The following BRD10 variants were observed in gnomAD, a reference collection of about 807,000 sequenced individuals.
BRD10 encodes bromodomain containing 10.
At chr9:5,932,505 C>A in the BRD10 span, among the ~76,000 whole-genome samples, 1 of 151,932 alleles carries the variant, frequency 6.6e-6, no homozygotes, top group African/African-American at 2.4e-5. Flanking sequence ...TATAGTATAA[C>A]CAGTATTTAA....
chr9:5,939,957 A>T, the BRD10 span, among the ~76,000 whole-genome samples: 1 of 152,188 alleles, frequency 6.6e-6, no homozygotes, highest in Non-Finnish European at 1.5e-5. Context: ...GTGACCAAAA[A>T]ACTGGGGGAG....
At chr9:5,880,768 C>G in the BRD10 span, among the ~76,000 whole-genome samples, 14 of 150,868 alleles carry the variant, frequency 9.3e-5, no homozygotes, top group Middle Eastern at 3.5e-3. Context: ...GCAGTGGTGC[C>G]ATCTCAGCTC....
At chr9:5,992,697 G>T in the BRD10 span, among the ~76,000 whole-genome samples, 6 of 131,442 alleles carry the variant, frequency 4.6e-5, no homozygotes, top group African/African-American at 1.6e-4. Context: ...TGAGTTTTAC[G>T]TTTACTTTCT....
chr9:5,907,010 T>A, the BRD10 span: 3 of 1,536,346 alleles, frequency 2.0e-6, no homozygotes, highest in Non-Finnish European at 1.8e-6. Context: ...TAGGTTAAGA[T>A]CCTTCATAAG....
chr9:5,968,872 G>C, the BRD10 span: 1 of 1,613,196 alleles, frequency 6.2e-7, no homozygotes, highest in Non-Finnish European at 8.5e-7. Flanking sequence ...TGCATTCATG[G>C]ATAGGCTGTC....
the BRD10 span, among the ~76,000 whole-genome samples, chr9:5,981,215 T>C: frequency 6.6e-6 from 1 of 152,134 alleles, no homozygotes; most frequent in Non-Finnish European, 1.5e-5. Flanking sequence ...TAAAATAAAG[T>C]GGGATGAAGC....
At chr9:5,969,402 C>T in the BRD10 span, 1 of 1,582,098 alleles carries the variant, frequency 6.3e-7, no homozygotes. Flanking sequence ...TTTTGACTAG[C>T]TTCTTCTGCT....
chr9:5,987,658 T>C, the BRD10 span, among the ~76,000 whole-genome samples: 1 of 152,348 alleles, frequency 6.6e-6, no homozygotes, highest in African/African-American at 2.4e-5. Context: ...ATATTATAAA[T>C]TGCCTCTGAC....
At chr9:5,994,158 T>C in the BRD10 span, among the ~76,000 whole-genome samples, 1 of 152,200 alleles carries the variant, frequency 6.6e-6, no homozygotes, top group African/African-American at 2.4e-5. Context: ...CCAAAAACTT[T>C]TTATACCATC....
the BRD10 span, among the ~76,000 whole-genome samples, chr9:5,888,137 G>A: frequency 6.6e-6 from 1 of 152,222 alleles, no homozygotes; most frequent in Non-Finnish European, 1.5e-5. Flanking sequence ...GAGCTGCTAG[G>A]ACTGTCATAT....
chr9:5,889,420 T>C, the BRD10 span, among the ~76,000 whole-genome samples: 1 of 152,232 alleles, frequency 6.6e-6, no homozygotes, highest in South Asian at 2.1e-4. Context: ...ATGTGTATGC[T>C]ACAGGAATAA....
At chr9:5,927,803 C>G in the BRD10 span, among the ~76,000 whole-genome samples, 2 of 152,298 alleles carry the variant, frequency 1.3e-5, no homozygotes, top group South Asian at 4.1e-4. Context: ...TTGGCCACTT[C>G]TACATGCTGG....
At chr9:5,901,993 G>T in the BRD10 span, among the ~76,000 whole-genome samples, 3 of 147,338 alleles carry the variant, frequency 2.0e-5, no homozygotes, top group Non-Finnish European at 4.5e-5. Context: ...TGCAATATCT[G>T]TCTGGTATTA....
chr9:5,914,409 GGTTTTTTTTTTTTTT>G, the BRD10 span, among the ~76,000 whole-genome samples: 287 of 106,968 alleles, frequency 2.7e-3, 3 homozygotes, highest in African/African-American at 9.6e-3. Flanking sequence ...AAATCCAGAT[GGTTTTTTTTTTTTTT>G]TTTTTTTTTT....
the BRD10 span, chr9:5,988,665 C>A: frequency 1.4e-6 from 1 of 696,640 alleles, no homozygotes; most frequent in Non-Finnish European, 2.4e-6. Flanking sequence ...ACCTTACTTA[C>A]TTAGCTTTGT....
the BRD10 span, chr9:5,922,117 T>G: frequency 6.2e-7 from 1 of 1,613,864 alleles, no homozygotes; most frequent in Non-Finnish European, 8.5e-7. Flanking sequence ...TGGTCTGTAC[T>G]TTTACAACTC....
the BRD10 span, among the ~76,000 whole-genome samples, chr9:5,890,043 G>C: frequency 6.6e-6 from 1 of 152,122 alleles, no homozygotes; most frequent in Non-Finnish European, 1.5e-5. Context: ...TCTTGATTAT[G>C]AGAGTCTGGG....
the BRD10 span, among the ~76,000 whole-genome samples, chr9:5,916,586 C>CAT: frequency 1.7e-5 from 2 of 118,004 alleles, no homozygotes; most frequent in Non-Finnish European, 3.6e-5. Flanking sequence ...ACATATATAA[C>CAT]ATATATATAA....
At chr9:5,929,557 A>C in the BRD10 span, among the ~76,000 whole-genome samples, 2 of 152,108 alleles carry the variant, frequency 1.3e-5, no homozygotes, top group African/African-American at 4.8e-5. Flanking sequence ...AAAGGGAGAA[A>C]AGGTAGGTTT....
Sources: gnomAD v4.1 joint callset for allele counts (sites outside exome capture counted in the v4.1 genomes callset) on GRCh38, gnomAD v4.1.1 for gene constraint, MANE v1.5 for transcripts, NCBI Gene and HGNC (gene_info 2026-07-23, HGNC 2026-07-21) for gene names.